The following COL5A1 variants were observed in gnomAD, a reference collection of about 807,000 sequenced individuals.
COL5A1 encodes collagen alpha-1(V) chain.
In COL5A1, 16 loss-of-function variants were observed where a neutral mutation model predicts 263.7. The ratio of observed to expected loss-of-function variants is 0.06; its 90% CI spans 0.04 to 0.09. COL5A1 has a LOEUF of 0.09. COL5A1 is among the 10% of genes least tolerant of loss of function. The probability of loss-of-function intolerance (pLI) is 1.00; values close to 1 mark genes in which losing one functional copy is unlikely to be tolerated. For synonymous variants in COL5A1, 1,012 were observed against 1,004.5 expected (o/e 1.01, Z -0.14); for missense variants, 2,036 against 2,540.5 (o/e 0.80, Z 4.27).
chr9:134,684,314 C>G lies in COL5A1; in HGVS notation c.110-6598C>G, dbSNP rs376747831. On this transcript the variant is annotated intron_variant, in intron 1 of 65. Coordinates refer to ENST00000371817, the MANE Select transcript of COL5A1 (RefSeq NM_000093.5). ...GGTGCCGGAGCCCTGTACAGATGTC[C>G]AGCAGCCCCCCAGGTCTCGGGGGGA... Among the ~76,000 whole-genome samples, 489 of 152,276 alleles carry G rather than the reference C, an allele frequency of 3.2e-3. 11 individuals carry two copies. The South Asian group carries it at 0.063, about 20-fold the overall frequency.
At chr9:134,802,852 C>A in intron 38 of COL5A1, 36 bp from the exon 39 acceptor site, 2 of 1,492,992 alleles carry the variant, frequency 1.3e-6, no homozygotes, top group Non-Finnish European at 1.9e-6. Context: ...GCAAGTCACT[C>A]GAAACGTCTG....
At chr9:134,776,626 G>A (rs918381720) in intron 27 of COL5A1, among the ~76,000 whole-genome samples, 8 of 152,198 alleles carry the variant, frequency 5.3e-5, no homozygotes, top group South Asian at 4.1e-4. Flanking sequence ...CCGAGCTGCC[G>A]CCATTTGAGG....
chr9:134,790,481 T>C (rs1285560260), intron 32 of COL5A1, among the ~76,000 whole-genome samples: 1 of 69,858 alleles, frequency 1.4e-5, no homozygotes. Context: ...CACCCACCCA[T>C]CCACCCATCC....
intron 49 of COL5A1, 65 bp from the exon 50 acceptor site, chr9:134,814,732 C>T: frequency 8.0e-7 from 1 of 1,243,052 alleles, no homozygotes; most frequent in Non-Finnish European, 1.2e-6. Context: ...ACCGGGGAGG[C>T]CCACCTTGCT....
chr9:134,813,107 C>T (rs2132849586), intron 48 of COL5A1, among the ~76,000 whole-genome samples: 1 of 152,152 alleles, frequency 6.6e-6, no homozygotes, highest in East Asian at 1.9e-4. Context: ...GTTTCCATTT[C>T]AGCCGAATTA....
At chr9:134,811,264 G>T in intron 44 of COL5A1, 75 bp from the exon 45 acceptor site, 7 of 1,390,364 alleles carry the variant, frequency 5.0e-6, no homozygotes, top group South Asian at 1.2e-5. Context: ...CCCGGGCTCA[G>T]GATGCGGTCC....
rs979710814 is a variant in COL5A1 at position 134,789,378 on chromosome 9, C to T, written c.2700+170C>T. ...ACTTCAGCACCACGTGTTGGTGACA[C>T]TCTCCAGACGCTGGGCTGGGCAGGT... On this transcript the variant is annotated intron_variant, in intron 32 of 65. Transcript: ENST00000371817. The surrounding 1 kb of genome is among the most constrained non-coding windows in gnomAD (Gnocchi z 4.8). 6.6e-6 allele frequency among the ~76,000 whole-genome samples: 1 copy of T among 152,066 alleles called. No individual in the cohort carries two copies. Among genetic ancestry groups the T allele is most frequent in the Non-Finnish European group, 1.5e-5 (1 of 68,012 alleles).
At chr9:134,809,807 A>ACC (rs1838449915) in intron 43 of COL5A1, among the ~76,000 whole-genome samples, 1 of 152,004 alleles carries the variant, frequency 6.6e-6, no homozygotes, top group Non-Finnish European at 1.5e-5. Context: ...TCTATTGATG[A>ACC]CCCCTCTCTG....
intron 64 of COL5A1, among the ~76,000 whole-genome samples, chr9:134,832,016 G>A (rs1303639241): frequency 1.3e-5 from 2 of 152,184 alleles, no homozygotes; most frequent in East Asian, 3.8e-4. Flanking sequence ...TATAATCCCA[G>A]CACTTTGGGA....
intron 65 of COL5A1, among the ~76,000 whole-genome samples, chr9:134,838,091 C>T (rs1265647582): frequency 1.3e-5 from 2 of 152,216 alleles, no homozygotes; most frequent in Admixed American, 1.3e-4. Context: ...CCGCCCATCG[C>T]CTCCTGGGTC....
In COL5A1 at chr9:134,818,840, T is replaced by C. The variant is rs1233596505; in HGVS notation, c.4339-8T>C. 1 of 1,613,000 alleles carries C rather than the reference T, an allele frequency of 6.2e-7. No individual in the cohort carries two copies. Among genetic ancestry groups the C allele is most frequent in the Non-Finnish European group, 8.5e-7 (1 of 1,179,898 alleles). ...CAGCAACTCATGCAGAGCGTCTCTGTGTTTCAGGGAGAACAAGGTCTCCCA... is the reference window on the plus strand; with the variant it reads ...CAGCAACTCATGCAGAGCGTCTCTGCGTTTCAGGGAGAACAAGGTCTCCCA... On this transcript the variant is annotated splice_polypyrimidine_tract_variant and splice_region_variant and intron_variant, in intron 55 of 65. Coordinates refer to ENST00000371817, the MANE Select transcript of COL5A1 (RefSeq NM_000093.5). This position sits in a 1 kb window ranked among gnomAD's most constrained non-coding sequence, Gnocchi z 6.0.
In COL5A1 at chr9:134,758,498, A is replaced by G. The variant is rs896422347; in HGVS notation, c.1935+202A>G. 1.3e-5 allele frequency among the ~76,000 whole-genome samples: 2 copies of G among 152,110 alleles called. No homozygotes were observed. Among genetic ancestry groups the G allele is most frequent in the African/African-American group, 4.8e-5 (2 of 41,424 alleles). On this transcript the variant is annotated intron_variant, in intron 18 of 65. Coordinates refer to ENST00000371817, the MANE Select transcript of COL5A1 (RefSeq NM_000093.5). This position sits in a 1 kb window ranked among gnomAD's most constrained non-coding sequence, Gnocchi z 4.1. ...TCTTTGTTGATGGGTGGCCAGCCCA[A>G]AGGAATTGGAGCTCTTATCTACAGT...
chr9:134,750,169 G>A (rs1231604508), intron 11 of COL5A1, among the ~76,000 whole-genome samples: 2 of 152,204 alleles, frequency 1.3e-5, no homozygotes, highest in African/African-American at 4.8e-5. Context: ...TTCCTGTTGG[G>A]TATGGAGACC....
rs984535180 is a variant in COL5A1, at chr9:134,789,938, G to A, written c.2700+730G>A. Reference sequence around the variant, plus strand: ...TGGCCTTGTCCACGGGGCATATGGCGGGGACAGAGAAAGGCCAGTCTGTGG... The same window carrying A: ...TGGCCTTGTCCACGGGGCATATGGCAGGGACAGAGAAAGGCCAGTCTGTGG... On this transcript the variant is annotated intron_variant, in intron 32 of 65. Transcript: ENST00000371817. The surrounding 1 kb of genome is among the most constrained non-coding windows in gnomAD (Gnocchi z 4.8). Among the ~76,000 whole-genome samples, 2 of 152,204 alleles carry A rather than the reference G, an allele frequency of 1.3e-5. No homozygotes were observed. Among genetic ancestry groups the A allele is most frequent in the East Asian group, 1.9e-4 (1 of 5,192 alleles).
intron 1 of COL5A1, among the ~76,000 whole-genome samples, chr9:134,657,665 G>T (rs951493639): frequency 1.3e-5 from 2 of 149,920 alleles, no homozygotes; most frequent in Admixed American, 6.6e-5. Flanking sequence ...TAGATAATAT[G>T]GGGGGTGAGG....
intron 61 of COL5A1, among the ~76,000 whole-genome samples, chr9:134,823,980 GTA>G (rs1335616961): frequency 1.3e-5 from 2 of 151,982 alleles, no homozygotes; most frequent in African/African-American, 4.8e-5. Flanking sequence ...GTGTGCATAT[GTA>G]TATGTGTACA....
At chr9:134,795,463 G>A in intron 34 of COL5A1, 148 bp downstream of exon 34, 1 of 691,712 alleles carries the variant, frequency 1.4e-6, no homozygotes, top group Non-Finnish European at 2.4e-6. Flanking sequence ...TAAGAAGCTT[G>A]TCCCCTCCAG....
chr9:134,772,210 G>A (rs11103520), intron 25 of COL5A1, among the ~76,000 whole-genome samples: 21,479 of 152,176 alleles, frequency 0.14, 1,731 homozygotes, highest in East Asian at 0.23. Context: ...CAAGTAACAC[G>A]CCTTAGCCCT....
chr9:134,725,826 T>C (rs999427238), intron 4 of COL5A1, among the ~76,000 whole-genome samples: 19 of 152,256 alleles, frequency 1.2e-4, no homozygotes, highest in African/African-American at 4.6e-4. Flanking sequence ...TCTATGCATA[T>C]ACCACACTCT....
Sources: gnomAD v4.1 joint callset for allele counts (sites outside exome capture counted in the v4.1 genomes callset) on GRCh38, gnomAD v4.1.1 for gene constraint, Gnocchi (gnomAD v3.1) non-coding constraint, MANE v1.5 for transcripts, NCBI Gene and HGNC (gene_info 2026-07-23, HGNC 2026-07-21) for gene names.